The following PTPN13 variants were observed in gnomAD, a reference collection of about 807,000 sequenced individuals.
The protein encoded by PTPN13 is tyrosine-protein phosphatase non-receptor type 13.
A neutral mutation model predicts 284.0 loss-of-function variants in PTPN13; 191 were observed. The ratio of observed to expected loss-of-function variants is 0.67; its 90% CI spans 0.60 to 0.76. The LOEUF (loss-of-function observed/expected upper bound fraction) is 0.76, where lower values mean the gene tolerates loss of function less well. PTPN13 is among the 30% of genes least tolerant of loss of function. The probability of loss-of-function intolerance (pLI) is 0.00; values close to 1 mark genes in which losing one functional copy is unlikely to be tolerated. For missense variants in PTPN13, 2,797 were observed against 2,939.9 expected (o/e 0.95, Z 1.12); for synonymous variants, 986 against 1,022.3 (o/e 0.96, Z 0.68).
chr4:86,766,547 G>T (rs753922116), intron 27 of PTPN13, 30 bp downstream of exon 27: 5 of 1,491,812 alleles, frequency 3.4e-6, no homozygotes, highest in Non-Finnish European at 4.6e-6. Context: ...ACCTTTTACA[G>T]TACCTTAGAA....
intron 7 of PTPN13, among the ~76,000 whole-genome samples, chr4:86,706,200 A>G (rs570152032): frequency 6.6e-6 from 1 of 152,324 alleles, no homozygotes; most frequent in East Asian, 1.9e-4. Context: ...AAGGAGATAC[A>G]TAATTCATAA....
intron 2 of PTPN13, among the ~76,000 whole-genome samples, chr4:86,656,724 C>G (rs1402962485): frequency 1.3e-5 from 2 of 152,210 alleles, no homozygotes; most frequent in Non-Finnish European, 2.9e-5. Flanking sequence ...AAACTCCATG[C>G]TGGGAGAACC....
chr4:86,667,469 T>A (rs1727213132), intron 2 of PTPN13, among the ~76,000 whole-genome samples: 1 of 152,196 alleles, frequency 6.6e-6, no homozygotes, highest in South Asian at 2.1e-4. Flanking sequence ...GTAATCAACT[T>A]CTAGCATATA....
Position 86,750,664 on chromosome 4 carries a change from A to G in PTPN13, c.2845A>G (p.Ser949Gly). 6.2e-7 allele frequency: 1 copy of G among 1,613,984 alleles called. No homozygotes were observed. The highest frequency in any genetic ancestry group is 8.5e-7 in the Non-Finnish European group (1 of 1,179,870). The change falls in exon 18 of 48, where the codon AGT becomes GGT. Residue 949 changes from serine to glycine, a missense_variant. By Grantham distance (56) the Ser-to-Gly change is moderately conservative. Transcript: ENST00000411767. The stretch of plus-strand genomic sequence containing the variant: ...GTCGCTTTACCAGCCATTGCAAAAC[A>G]GTTCAAAAGAGAAGAATGACAAAGC... ...ELSLYQPLQN[S>G]SKEKNDKASW...
At chr4:86,611,054 A>T (rs1765221210) in intron 1 of PTPN13, among the ~76,000 whole-genome samples, 1 of 152,198 alleles carries the variant, frequency 6.6e-6, no homozygotes, top group Non-Finnish European at 1.5e-5. Flanking sequence ...GAAAAATTTT[A>T]TTCTGATCCC....
At chr4:86,735,012 C>T in intron 14 of PTPN13, 137 bp downstream of exon 14, 1 of 918,264 alleles carries the variant, frequency 1.1e-6, no homozygotes, top group Non-Finnish European at 1.6e-6. Flanking sequence ...CTCAGAATGA[C>T]CAAGCACTCC....
At chr4:86,805,773 A>T (rs995083996) in intron 44 of PTPN13, among the ~76,000 whole-genome samples, 1 of 152,194 alleles carries the variant, frequency 6.6e-6, no homozygotes, top group South Asian at 2.1e-4. Flanking sequence ...AGAAATATCT[A>T]TGGTAATGAA....
At chr4:86,716,371 C>T (rs949487979) in intron 7 of PTPN13, among the ~76,000 whole-genome samples, 159 bp from the exon 8 acceptor site, 1 of 152,132 alleles carries the variant, frequency 6.6e-6, no homozygotes, top group African/African-American at 2.4e-5. Context: ...GTATACTAAA[C>T]CCATTATTGG....
intron 1 of PTPN13, among the ~76,000 whole-genome samples, chr4:86,597,165 C>T (rs1479733575): frequency 7.0e-6 from 1 of 143,416 alleles, no homozygotes; most frequent in African/African-American, 2.6e-5. Context: ...GGCTGGGCTT[C>T]CTTTTTTTTT....
Position 86,771,195 on chromosome 4 carries a change from G to A in PTPN13, c.4828G>A (p.Val1610Ile), listed in dbSNP as rs1458460663. 6.2e-7 allele frequency: 1 copy of A among 1,611,740 alleles called. No individual in the cohort carries two copies. The highest frequency in any genetic ancestry group is 2.2e-5 in the East Asian group (1 of 44,840). ...GACCCCACTTCAGTCTCCAGCACAA[G>A]TACTTCCAAACAGCAGTAAAGACTC... ...LLTPLQSPAQ[V>I]LPNSSKDSSQ... The change falls in exon 31 of 48, where the codon GTA becomes ATA. Residue 1610 changes from valine (V) to isoleucine (I), a missense_variant. Transcript: ENST00000411767.
chr4:86,800,380 C>T (rs1003819485), intron 42 of PTPN13, among the ~76,000 whole-genome samples: 6 of 151,152 alleles, frequency 4.0e-5, no homozygotes, highest in Admixed American at 1.3e-4. Context: ...TTAGGCTGGG[C>T]GTGCTGGCCC....
intron 6 of PTPN13, among the ~76,000 whole-genome samples, chr4:86,699,884 A>G (rs1347573598): frequency 1.3e-5 from 2 of 152,196 alleles, no homozygotes; most frequent in Non-Finnish European, 2.9e-5. Flanking sequence ...ACTGTAACAC[A>G]GACATATGTT....
Position 86,613,652 on chromosome 4 carries a change from G to T in PTPN13, c.-6+18863G>T, listed in dbSNP as rs913134670. Among the ~76,000 whole-genome samples the T allele has an allele frequency of 2.9e-5, 4 of 137,960 alleles. No homozygotes were observed. The East Asian group carries it at 8.1e-4, about 28-fold the overall frequency. The allele number at this position is 137,960 out of a possible 152,430, so 90.5% of individuals were successfully genotyped here. On this transcript the variant is annotated intron_variant, in intron 1 of 47. Coordinates refer to ENST00000411767, the MANE Select transcript of PTPN13 (RefSeq NM_080683.3). ...CCGTCTCAAAAAAAAAAAAAAAAAA[G>T]AGTTTGGGGAGTAGTGAGAACCCTC...
chr4:86,755,563 TATC>T (rs2149222271), intron 20 of PTPN13, among the ~76,000 whole-genome samples: 2 of 152,204 alleles, frequency 1.3e-5, no homozygotes, highest in East Asian at 3.9e-4. Context: ...GTCACCGACT[TATC>T]ATGGTTTGAC....
At chr4:86,689,404 C>G (rs1729788446) in intron 5 of PTPN13, among the ~76,000 whole-genome samples, 1 of 152,020 alleles carries the variant, frequency 6.6e-6, no homozygotes, top group South Asian at 2.1e-4. Context: ...GAGAATTATT[C>G]CCAAAAATAT....
chr4:86,606,306 A>G (rs1200827040), intron 1 of PTPN13, among the ~76,000 whole-genome samples: 2 of 151,946 alleles, frequency 1.3e-5, no homozygotes, highest in Non-Finnish European at 3.0e-5. Context: ...CACCTACACT[A>G]TACACTTAGA....
At chr4:86,656,649 C>T (rs1725853871) in intron 2 of PTPN13, among the ~76,000 whole-genome samples, 1 of 152,196 alleles carries the variant, frequency 6.6e-6, no homozygotes, top group Non-Finnish European at 1.5e-5. Context: ...GAGGGTGCCT[C>T]CCAGTTAGGC....
intron 36 of PTPN13, 109 bp from the exon 37 acceptor site, chr4:86,782,092 C>T: frequency 1.5e-6 from 1 of 678,814 alleles, no homozygotes. Context: ...TTTTTGTGTA[C>T]TAATAAAAAT....
At chr4:86,635,531 C>A (rs981131011) in intron 2 of PTPN13, among the ~76,000 whole-genome samples, 160 bp downstream of exon 2, 3 of 152,120 alleles carry the variant, frequency 2.0e-5, no homozygotes, top group African/African-American at 7.2e-5. Flanking sequence ...GCTGAAAAAG[C>A]TCAGCTATTA....
Sources: gnomAD v4.1 joint callset for allele counts (sites outside exome capture counted in the v4.1 genomes callset) on GRCh38, gnomAD v4.1.1 for gene constraint, MANE v1.5 for transcripts, NCBI Gene and HGNC (gene_info 2026-07-23, HGNC 2026-07-21) for gene names.